The following PABPC4L variants were observed in gnomAD, a reference collection of about 807,000 sequenced individuals.
PABPC4L encodes the protein polyadenylate-binding protein 4-like.
For synonymous variants in PABPC4L, 169 were observed against 164.1 expected (o/e 1.03, Z -0.23); for missense variants, 452 against 451.4 (o/e 1.00, Z -0.01).
At chr4:134,029,285 A>G in the PABPC4L span, among the ~76,000 whole-genome samples, 2 of 152,016 alleles carry the variant, frequency 1.3e-5, no homozygotes, top group Non-Finnish European at 1.5e-5. Context: ...TATGGTTCCA[A>G]GAAGGTCTGG....
chr4:133,970,320 A>C, the PABPC4L span, among the ~76,000 whole-genome samples: 2 of 151,958 alleles, frequency 1.3e-5, no homozygotes, highest in African/African-American at 4.8e-5. Context: ...TTGGAGCATC[A>C]GGAATTTTCA....
the PABPC4L span, among the ~76,000 whole-genome samples, chr4:134,068,841 T>C: frequency 6.6e-6 from 1 of 152,016 alleles, no homozygotes; most frequent in East Asian, 1.9e-4. Context: ...CCCAAGTAGC[T>C]GGGACTACAG....
At chr4:134,117,083 G>T in the PABPC4L span, among the ~76,000 whole-genome samples, 1 of 150,004 alleles carries the variant, frequency 6.7e-6, no homozygotes, top group Non-Finnish European at 1.5e-5. Context: ...TTTTCGTTCA[G>T]CAATAACGTC....
the PABPC4L span, among the ~76,000 whole-genome samples, chr4:134,062,679 T>C: frequency 1.3e-5 from 2 of 152,132 alleles, no homozygotes; most frequent in Non-Finnish European, 2.9e-5. Context: ...ATCAATTTTA[T>C]GATATTTTAC....
chr4:134,111,526 T>C, the PABPC4L span, among the ~76,000 whole-genome samples: 1 of 151,932 alleles, frequency 6.6e-6, no homozygotes, highest in Non-Finnish European at 1.5e-5. Context: ...TAGACTTCTA[T>C]TTGTTCTGTG....
chr4:133,980,122 A>G, the PABPC4L span, among the ~76,000 whole-genome samples: 73 of 152,288 alleles, frequency 4.8e-4, no homozygotes, highest in African/African-American at 1.6e-3. Context: ...CATATATTTT[A>G]TAATTTGGCT....
the PABPC4L span, among the ~76,000 whole-genome samples, chr4:134,155,816 A>T: frequency 6.6e-6 from 1 of 152,046 alleles, no homozygotes; most frequent in African/African-American, 2.4e-5. Flanking sequence ...CAAATGAGCT[A>T]ACTCTAATAA....
At chr4:134,172,996 A>G in the PABPC4L span, among the ~76,000 whole-genome samples, 2 of 151,838 alleles carry the variant, frequency 1.3e-5, no homozygotes, top group African/African-American at 4.8e-5. Flanking sequence ...GATGCATATA[A>G]AAACTACAAG....
At chr4:134,023,478 C>A in the PABPC4L span, among the ~76,000 whole-genome samples, 1 of 152,006 alleles carries the variant, frequency 6.6e-6, no homozygotes, top group Non-Finnish European at 1.5e-5. Flanking sequence ...AAGTGGTCTT[C>A]TTTGATTCTT....
chr4:134,088,669 A>G, the PABPC4L span, among the ~76,000 whole-genome samples: 1 of 152,036 alleles, frequency 6.6e-6, no homozygotes, highest in East Asian at 1.9e-4. Context: ...CAAAGTACCA[A>G]CTTGGTAGTA....
chr4:134,098,365 A>T, the PABPC4L span, among the ~76,000 whole-genome samples: 1 of 151,740 alleles, frequency 6.6e-6, no homozygotes, highest in African/African-American at 2.4e-5. Context: ...GCTAGACATC[A>T]TACTCTATAC....
chr4:134,006,147 T>C, the PABPC4L span, among the ~76,000 whole-genome samples: 1 of 152,020 alleles, frequency 6.6e-6, no homozygotes, highest in South Asian at 2.1e-4. Context: ...TGTTTTACAG[T>C]TGAGAAAGAG....
At chr4:134,144,174 G>A in the PABPC4L span, among the ~76,000 whole-genome samples, 8 of 151,378 alleles carry the variant, frequency 5.3e-5, no homozygotes, top group South Asian at 2.1e-4. Context: ...TCTCCTGAAG[G>A]TATTTATAAA....
At chr4:134,107,202 T>C in the PABPC4L span, among the ~76,000 whole-genome samples, 1 of 151,514 alleles carries the variant, frequency 6.6e-6, no homozygotes, top group East Asian at 1.9e-4. Flanking sequence ...ATAAGAATTA[T>C]TTAGGGAAAT....
the PABPC4L span, among the ~76,000 whole-genome samples, chr4:134,075,287 T>G: frequency 6.6e-6 from 1 of 152,054 alleles, no homozygotes; most frequent in Admixed American, 6.6e-5. Flanking sequence ...GGAGAACATA[T>G]TGTGATTAAG....
At chr4:134,062,111 A>C in the PABPC4L span, among the ~76,000 whole-genome samples, 2 of 151,844 alleles carry the variant, frequency 1.3e-5, no homozygotes, top group African/African-American at 4.8e-5. Context: ...AAAAAGAAAA[A>C]AAAAACATAG....
At chr4:134,195,020 A>G (rs1474486834), downstream of PABPC4L, among the ~76,000 whole-genome samples, 1 of 151,778 alleles carries the variant, frequency 6.6e-6, no homozygotes, top group Non-Finnish European at 1.5e-5. Flanking sequence ...CATATAACTG[A>G]TGGCCTTTTG....
At chr4:134,160,750 G>C in the PABPC4L span, among the ~76,000 whole-genome samples, 1 of 152,052 alleles carries the variant, frequency 6.6e-6, no homozygotes, top group Admixed American at 6.5e-5. Flanking sequence ...TGTATTCCCA[G>C]CTACTCAGGA....
chr4:134,010,116 A>G, the PABPC4L span, among the ~76,000 whole-genome samples: 1 of 152,168 alleles, frequency 6.6e-6, no homozygotes, highest in South Asian at 2.1e-4. Context: ...TTGTGTTATT[A>G]AGCTTCATTT....
Sources: allele counts gnomAD v4.1 joint callset (sites outside exome capture counted in the v4.1 genomes callset), GRCh38; gene constraint gnomAD v4.1.1; transcripts MANE v1.5; gene names NCBI Gene and HGNC (gene_info 2026-07-23, HGNC 2026-07-21).